The following HLCS variants were observed in gnomAD, a reference collection of about 807,000 sequenced individuals.
The protein encoded by HLCS is biotin--protein ligase.
In HLCS, 53 loss-of-function variants were observed where a neutral mutation model predicts 75.0. That is an observed-to-expected ratio of 0.71 (90% CI 0.57 to 0.89). The LOEUF is 0.89. HLCS is among the 40% of genes least tolerant of loss of function. The probability of loss-of-function intolerance (pLI) is 0.00; values close to 1 mark genes in which losing one functional copy is unlikely to be tolerated. For missense variants in HLCS, 966 were observed against 1,074.0 expected (o/e 0.90, Z 1.41); for synonymous variants, 431 against 428.6 (o/e 1.01, Z -0.07).
Position 36,936,497 on chromosome 21 carries a change from A to C in HLCS, c.1389T>G (p.Ile463Met), listed in dbSNP as rs2066885576. 4.3e-6 allele frequency: 7 copies of C among 1,614,106 alleles called. No individual in the cohort carries two copies. Among genetic ancestry groups the C allele is most frequent in the Non-Finnish European group, 5.9e-6 (7 of 1,180,046 alleles). Residue 463 changes from isoleucine (I) to methionine (M), a missense_variant, in exon 4 of 11, where the codon ATT (isoleucine) becomes ATG (methionine). Ile to Met is a conservative substitution (Grantham distance 10). Transcript: ENST00000674895. ...CGCGAGTTCCAAAAGGCACATGCAC[A>C]ATCATCCTGTCCTTGTCCTCATTCT... ...HLENEDKDRM[I>M]VHVPFGTRGG... is the part of the protein sequence containing the mutation.
In HLCS at chr21:36,820,312, C is replaced by T. The variant is rs943378551; in HGVS notation, c.1893-53027G>A. Among the ~76,000 whole-genome samples the T allele has an allele frequency of 5.3e-5, 8 of 152,348 alleles. No homozygotes were observed. The South Asian group carries it at 1.0e-3, about 20-fold the overall frequency. On this transcript the variant is annotated intron_variant, in intron 6 of 10. Transcript: ENST00000674895. Reference sequence around the variant, plus strand: ...AACAGGTGAGAGCCACGCCCCCTTCCGAGTTGAAGGGGCTGGAGCCCCACT... The same window carrying T: ...AACAGGTGAGAGCCACGCCCCCTTCTGAGTTGAAGGGGCTGGAGCCCCACT...
chr21:36,829,806 G>A (rs1482483361), intron 6 of HLCS, among the ~76,000 whole-genome samples: 2 of 152,206 alleles, frequency 1.3e-5, no homozygotes, highest in Admixed American at 6.5e-5. Flanking sequence ...CCTCTCCCCG[G>A]CCCTCTCCCG....
chr21:36,888,479 TATATATATATATATA>T (rs1569149922), intron 6 of HLCS, among the ~76,000 whole-genome samples: 30 of 127,528 alleles, frequency 2.4e-4, no homozygotes, highest in African/African-American at 7.8e-4. Flanking sequence ...TATATATATA[TATATATATATATATA>T]TATTTATTTA....
chr21:36,841,449 TA>T (rs141466366), intron 6 of HLCS, among the ~76,000 whole-genome samples: 2,026 of 152,352 alleles, frequency 0.013, 37 homozygotes, highest in African/African-American at 0.046. Context: ...GAGGTCTGTG[TA>T]AAGGATAGGA....
At chr21:36,897,275 C>G in intron 5 of HLCS, 144 bp from the exon 6 acceptor site, 1 of 762,270 alleles carries the variant, frequency 1.3e-6, no homozygotes, top group Non-Finnish European at 2.2e-6. Context: ...TTCCATACAT[C>G]TAAACGATTA....
chr21:36,988,649 T>G (rs560933109), intron 1 of HLCS, among the ~76,000 whole-genome samples: 1 of 152,286 alleles, frequency 6.6e-6, no homozygotes, highest in Non-Finnish European at 1.5e-5. Flanking sequence ...TCTCTAGGAG[T>G]TGGACCATCT....
intron 5 of HLCS, among the ~76,000 whole-genome samples, chr21:36,923,933 A>G (rs1035323157): frequency 6.6e-6 from 1 of 152,228 alleles, no homozygotes; most frequent in African/African-American, 2.4e-5. Flanking sequence ...AAAAGCATTC[A>G]TAGCTATAAA....
chr21:36,799,833 G>A (rs2061143437), intron 6 of HLCS, among the ~76,000 whole-genome samples: 1 of 152,224 alleles, frequency 6.6e-6, no homozygotes, highest in Admixed American at 6.5e-5. Context: ...ATTCAGCCCA[G>A]AGGCTCAGAA....
intron 6 of HLCS, among the ~76,000 whole-genome samples, chr21:36,845,054 C>T (rs1206105799): frequency 1.3e-5 from 2 of 152,096 alleles, no homozygotes; most frequent in Non-Finnish European, 2.9e-5. Context: ...ATTTTTTATG[C>T]TTTCATTTTC....
chr21:36,900,930 T>G (rs913565020), intron 5 of HLCS, among the ~76,000 whole-genome samples: 4 of 152,034 alleles, frequency 2.6e-5, no homozygotes, highest in Non-Finnish European at 5.9e-5. Context: ...AGGCAGGAGG[T>G]GAGCCCTGGG....
intron 6 of HLCS, among the ~76,000 whole-genome samples, chr21:36,890,815 G>A (rs975274636): frequency 5.9e-5 from 9 of 152,146 alleles, no homozygotes; most frequent in African/African-American, 1.7e-4. Context: ...AACAAAAGCA[G>A]TGTTATAAGT....
intron 5 of HLCS, among the ~76,000 whole-genome samples, chr21:36,928,033 A>C (rs1359148532): frequency 6.6e-6 from 1 of 152,070 alleles, no homozygotes; most frequent in Non-Finnish European, 1.5e-5. Flanking sequence ...AATACAAAGC[A>C]CAAACCCAAT....
chr21:36,906,189 T>C (rs990223314), intron 5 of HLCS, among the ~76,000 whole-genome samples: 7 of 152,082 alleles, frequency 4.6e-5, no homozygotes, highest in Non-Finnish European at 8.8e-5. Flanking sequence ...TAACAAAATA[T>C]GTGCCAGACC....
intron 5 of HLCS, among the ~76,000 whole-genome samples, chr21:36,916,966 G>T (rs2065960075): frequency 6.6e-6 from 1 of 152,162 alleles, no homozygotes; most frequent in Non-Finnish European, 1.5e-5. Flanking sequence ...AGTAACATTT[G>T]CATCTTCAAA....
At chr21:36,944,276 G>A (rs930913188) in intron 2 of HLCS, among the ~76,000 whole-genome samples, 2 of 152,180 alleles carry the variant, frequency 1.3e-5, no homozygotes, top group Non-Finnish European at 2.9e-5. Context: ...GATGCCAAAG[G>A]ATACATGCTG....
At chr21:36,814,382 A>G (rs1249951456) in intron 6 of HLCS, among the ~76,000 whole-genome samples, 4 of 152,236 alleles carry the variant, frequency 2.6e-5, no homozygotes, top group African/African-American at 9.6e-5. Context: ...CAGAATGCCC[A>G]TTTAAATGTG....
chr21:36,898,012 C>G (rs2065081911), intron 5 of HLCS, among the ~76,000 whole-genome samples: 1 of 152,156 alleles, frequency 6.6e-6, no homozygotes, highest in Non-Finnish European at 1.5e-5. Flanking sequence ...CCTTTACGTC[C>G]CAAAGCTCCC....
At chr21:36,834,803 C>T (rs112762286) in intron 6 of HLCS, among the ~76,000 whole-genome samples, 1,684 of 152,344 alleles carry the variant, frequency 0.011, 42 homozygotes, top group African/African-American at 0.039. Context: ...ATCCGCCTGC[C>T]TCGGCCTCCC....
Position 36,966,653 on chromosome 21 carries a change from C to A in HLCS, c.-15G>T. On this transcript the variant is annotated 5_prime_UTR_variant, in exon 1 of 11. Coordinates refer to ENST00000674895, the MANE Select transcript of HLCS (RefSeq NM_001352514.2). ...GTGATGAGCATGGCCGCGCCGCCGG[C>A]AGGGCGAGCCCGCCTTGCCCGCCCG... 1.0e-6 allele frequency: 1 copy of A among 978,654 alleles called. No individual in the cohort carries two copies. Among genetic ancestry groups the A allele is most frequent in the South Asian group, 4.7e-5 (1 of 21,296 alleles). The allele number at this position is 978,654 out of a possible 1,614,324, so 60.6% of individuals were successfully genotyped here. A position where few individuals can be genotyped will look rare whatever the true frequency, so the allele number is the denominator to read the frequency against.
Sources: gnomAD v4.1 joint callset for allele counts (sites outside exome capture counted in the v4.1 genomes callset) on GRCh38, gnomAD v4.1.1 for gene constraint, MANE v1.5 for transcripts, NCBI Gene and HGNC (gene_info 2026-07-23, HGNC 2026-07-21) for gene names.